PRPSAP2: variants seen among roughly 807,000 people sequenced by gnomAD.
PRPSAP2 encodes phosphoribosyl pyrophosphate synthase-associated protein 2.
In PRPSAP2, 24 loss-of-function variants were observed where a neutral mutation model predicts 40.6. The observed-to-expected ratio is 0.59, with a 90% CI of 0.43 to 0.83. The LOEUF (loss-of-function observed/expected upper bound fraction) is 0.83. PRPSAP2 is among the 40% of genes least tolerant of loss of function. The pLI, the probability that PRPSAP2 is intolerant of heterozygous loss-of-function variation, is 0.00. For missense variants in PRPSAP2, 292 were observed against 465.6 expected, an observed-to-expected ratio of 0.63 and a Z score of 3.43; for synonymous variants, 149 against 164.7, an observed-to-expected ratio of 0.90 and a Z score of 0.73.
chr17:18,930,295 AC>A (rs975852268), intron 11 of PRPSAP2, among the ~76,000 whole-genome samples: 67 of 152,236 alleles, frequency 4.4e-4, no homozygotes, highest in African/African-American at 1.6e-3. Context: ...AATGGCATGA[AC>A]CCAGGAGGCA....
chr17:18,915,263 CGATCCTTCCA>C (rs1280456495), intron 9 of PRPSAP2, among the ~76,000 whole-genome samples: 1 of 151,030 alleles, frequency 6.6e-6, no homozygotes, highest in Non-Finnish European at 1.5e-5. Flanking sequence ...GGGCTCAAAG[CGATCCTTCCA>C]CCTCAGCCTC....
intron 8 of PRPSAP2, among the ~76,000 whole-genome samples, chr17:18,892,221 T>G (rs1260055118): frequency 6.6e-6 from 1 of 152,210 alleles, no homozygotes; most frequent in Non-Finnish European, 1.5e-5. Flanking sequence ...TGTTTATCCA[T>G]TCATCTGTTG....
intron 3 of PRPSAP2, 93 bp downstream of exon 3, chr17:18,866,045 A>G (rs1485550712): frequency 1.6e-5 from 14 of 869,468 alleles, no homozygotes; most frequent in Non-Finnish European, 2.1e-5. Flanking sequence ...ATTTGAAAGC[A>G]GATATTTTAT....
At chr17:18,895,065 C>G (rs543890316) in intron 8 of PRPSAP2, among the ~76,000 whole-genome samples, 146 of 149,728 alleles carry the variant, frequency 9.8e-4, no homozygotes, top group African/African-American at 3.4e-3. Context: ...TGTAGTTTTC[C>G]CCATATAGAT....
Position 18,911,364 on chromosome 17 carries a change from A to T in PRPSAP2, c.733+113A>T. On this transcript the variant is annotated intron_variant, in intron 9 of 11. Transcript: ENST00000268835. The surrounding 1 kb of genome is among the most constrained non-coding windows in gnomAD (Gnocchi z 4.5). ...GTTTTTTTTTAGTTGGCAAAAACTC[A>T]TTAACACCTTTCTTGGCCAGATAGT... is the stretch of plus-strand genomic sequence containing the variant. 1.6e-6 allele frequency: 2 copies of T among 1,276,008 alleles called. No homozygotes were observed. The highest frequency in any genetic ancestry group is 2.1e-6 in the Non-Finnish European group (2 of 946,216). The allele number at this position is 1,276,008 out of a possible 1,614,324, so 79.0% of individuals were successfully genotyped here. A position where few individuals can be genotyped will look rare whatever the true frequency, so the allele number is the denominator to read the frequency against.
At chr17:18,908,675 T>C in intron 8 of PRPSAP2, 1 of 722,724 alleles carries the variant, frequency 1.4e-6, no homozygotes, top group South Asian at 1.5e-5. Context: ...AAGCCAGAGC[T>C]GCTGGCCATC....
chr17:18,909,232 AGT>A (rs1406802398), intron 8 of PRPSAP2, among the ~76,000 whole-genome samples: 6 of 141,188 alleles, frequency 4.2e-5, no homozygotes, highest in Non-Finnish European at 9.0e-5. Flanking sequence ...TTTGGAAAAC[AGT>A]GTGGCCTTTT....
chr17:18,899,918 G>T (rs1006740313), intron 8 of PRPSAP2, among the ~76,000 whole-genome samples: 3 of 143,050 alleles, frequency 2.1e-5, no homozygotes, highest in African/African-American at 7.8e-5. Flanking sequence ...ACTGAGTCTC[G>T]CTCTGTTGCC....
intron 5 of PRPSAP2, among the ~76,000 whole-genome samples, chr17:18,874,441 G>C (rs2038122040): frequency 6.6e-6 from 1 of 152,164 alleles, no homozygotes; most frequent in South Asian, 2.1e-4. Context: ...CTTTAGTCTT[G>C]GAACACACAT....
chr17:18,868,722 C>CT lies in PRPSAP2; in HGVS notation c.172+1388_172+1389insT, dbSNP rs2037612890. Among the ~76,000 whole-genome samples, 16 of 88,778 alleles carry CT rather than the reference C, an allele frequency of 1.8e-4. No homozygotes were observed. In the East Asian group the frequency reaches 5.4e-3, roughly 30 times the overall value. 58.2% of individuals were successfully genotyped at this position (88,778 alleles called of 152,430 possible). On this transcript the variant is annotated intron_variant, in intron 4 of 11. Transcript: ENST00000268835. ...TTTTCCACTAGAAGATTTAAAAAAA[C>CT]ATTTTTTTTTTTTTTGGTAGAACAA...
Position 18,930,665 on chromosome 17 carries a change from C to G in PRPSAP2, c.1077C>G (p.Ser359=), listed in dbSNP as rs1597794939. ...GGATCCACAATGGGGAGTCCATGTC[C>G]TACCTTTTCAGAAACATAGGCTTAG... ...IRRIHNGESM[S]YLFRNIGLDD The change falls in exon 12 of 12, where the codon TCC becomes TCG. Residue 359 remains serine (S), a synonymous_variant. Transcript: ENST00000268835. The G allele has an allele frequency of 6.2e-7, 1 of 1,613,436 alleles. No homozygotes were observed. Among genetic ancestry groups the G allele is most frequent in the Non-Finnish European group, 8.5e-7 (1 of 1,179,598 alleles).
At chr17:18,896,440 T>C (rs1321272364) in intron 8 of PRPSAP2, among the ~76,000 whole-genome samples, 1 of 152,156 alleles carries the variant, frequency 6.6e-6, no homozygotes, top group Non-Finnish European at 1.5e-5. Context: ...AGCCTTTACT[T>C]CTTGGTTGCA....
chr17:18,910,532 ACTT>A (rs71941135), intron 8 of PRPSAP2, among the ~76,000 whole-genome samples: 27,297 of 152,186 alleles, frequency 0.18, 2,688 homozygotes, highest in African/African-American at 0.24. Context: ...CTGGGGCAAC[ACTT>A]AGTGAAAAAT....
chr17:18,912,610 G>A lies in PRPSAP2; in HGVS notation c.733+1359G>A, dbSNP rs147474502. The stretch of plus-strand genomic sequence containing the variant: ...TAAATATCATCTAAATCAAATATGG[G>A]TAAGACTCCAGCTCTGGGATTCACT... On this transcript the variant is annotated intron_variant, in intron 9 of 11. Transcript: ENST00000268835. Among the ~76,000 whole-genome samples the A allele has an allele frequency of 3.9e-5, 6 of 152,246 alleles. No homozygotes were observed. In the South Asian group the frequency reaches 8.3e-4, roughly 21 times the overall value.
chr17:18,916,330 G>A (rs1369461473), intron 9 of PRPSAP2, among the ~76,000 whole-genome samples: 1 of 150,992 alleles, frequency 6.6e-6, no homozygotes, highest in Non-Finnish European at 1.5e-5. Context: ...ACCAATTTCT[G>A]TCTTAGTTTG....
intron 10 of PRPSAP2, chr17:18,928,119 A>G (rs1737947): frequency 0.27 from 41,749 of 153,224 alleles, 5,885 homozygotes; most frequent in South Asian, 0.4. Flanking sequence ...TAACATCAGT[A>G]TGCAATTAAA....
intron 9 of PRPSAP2, among the ~76,000 whole-genome samples, chr17:18,912,004 G>C (rs1331727407): frequency 1.3e-5 from 2 of 152,182 alleles, no homozygotes; most frequent in African/African-American, 2.4e-5. Flanking sequence ...TCCACATGGA[G>C]AAACCCCCTC....
intron 7 of PRPSAP2, among the ~76,000 whole-genome samples, chr17:18,889,579 TGCTGGCAGAGATAAGA>T (rs1489377793): frequency 6.6e-6 from 1 of 152,212 alleles, no homozygotes; most frequent in East Asian, 1.9e-4. Context: ...CATTAGTATT[TGCTGGCAGAGATAAGA>T]GCTAATCACC....
chr17:18,892,415 C>T (rs2039605228), intron 8 of PRPSAP2, among the ~76,000 whole-genome samples: 1 of 151,924 alleles, frequency 6.6e-6, no homozygotes, highest in Non-Finnish European at 1.5e-5. Flanking sequence ...GTCTCTTTTC[C>T]ACTGCAGCTG....
Sources: gnomAD v4.1 joint callset for allele counts (sites outside exome capture counted in the v4.1 genomes callset) on GRCh38, gnomAD v4.1.1 for gene constraint, Gnocchi (gnomAD v3.1) non-coding constraint, MANE v1.5 for transcripts, NCBI Gene and HGNC (gene_info 2026-07-23, HGNC 2026-07-21) for gene names.